The following ASCC1 variants were observed in gnomAD, a reference collection of about 807,000 sequenced individuals.
ASCC1 encodes ASC-1 complex subunit P50.
Under a neutral mutation model 46.6 loss-of-function variants are expected in ASCC1, and 35 were observed. The observed-to-expected ratio is 0.75, with a 90% CI of 0.57 to 0.99. The LOEUF is 0.99. ASCC1 is among the 50% of genes least tolerant of loss of function. The pLI, the probability that ASCC1 is intolerant of heterozygous loss-of-function variation, is 0.00. For synonymous variants in ASCC1, 143 were observed against 146.6 expected (o/e 0.98, Z 0.18); for missense variants, 376 against 428.7 (o/e 0.88, Z 1.09).
intron 8 of ASCC1, among the ~76,000 whole-genome samples, chr10:72,128,729 C>CT (rs1845196115): frequency 6.6e-6 from 1 of 152,156 alleles, no homozygotes; most frequent in African/African-American, 2.4e-5. Flanking sequence ...TGACCTTAGC[C>CT]TAAACCAAGC....
At chr10:72,151,754 T>C (rs963585814) in intron 7 of ASCC1, among the ~76,000 whole-genome samples, 2 of 151,932 alleles carry the variant, frequency 1.3e-5, no homozygotes, top group African/African-American at 4.8e-5. Flanking sequence ...AGTGGCACCA[T>C]CTCGGCTCAC....
At chr10:72,176,822 G>A (rs950005115) in intron 5 of ASCC1, among the ~76,000 whole-genome samples, 2 of 151,984 alleles carry the variant, frequency 1.3e-5, no homozygotes, top group Admixed American at 1.3e-4. Context: ...TACCTCACAA[G>A]TGACATTTCC....
chr10:72,124,850 C>T (rs1844663200), intron 9 of ASCC1, among the ~76,000 whole-genome samples: 2 of 151,388 alleles, frequency 1.3e-5, no homozygotes, highest in African/African-American at 4.9e-5. Flanking sequence ...CTATCTGGCA[C>T]TTTTCCATAA....
chr10:72,096,469 A>G lies in ASCC1; in HGVS notation c.*865T>C, dbSNP rs1217719139. 2.2e-6 allele frequency: 1 copy of G among 454,200 alleles called. No homozygotes were observed. The highest frequency in any genetic ancestry group is 2.3e-5 in the Admixed American group (1 of 42,584). 28.1% of individuals were successfully genotyped at this position (454,200 alleles called of 1,614,324 possible). Reference sequence around the variant, plus strand: ...GGATGGGGTGAAGGAACAGGAATCCAACAAATATTAAGAGGACAAACTTTG... The same window carrying G: ...GGATGGGGTGAAGGAACAGGAATCCGACAAATATTAAGAGGACAAACTTTG... On this transcript the variant is annotated 3_prime_UTR_variant, in exon 10 of 10. Transcript: ENST00000672957.
chr10:72,134,567 C>T (rs1361910455), intron 7 of ASCC1: 1 of 152,408 alleles, frequency 6.6e-6, no homozygotes, highest in Non-Finnish European at 1.5e-5. Context: ...TTCATTGCTG[C>T]CCTTCCCTTT....
At chr10:72,148,983 T>C (rs1358514542) in intron 7 of ASCC1, among the ~76,000 whole-genome samples, 1 of 152,216 alleles carries the variant, frequency 6.6e-6, no homozygotes, top group East Asian at 1.9e-4. Context: ...GATTTTCTCA[T>C]ATACTTCAAT....
At chr10:72,136,073 A>T (rs1049861407) in intron 7 of ASCC1, among the ~76,000 whole-genome samples, 4 of 152,168 alleles carry the variant, frequency 2.6e-5, no homozygotes, top group East Asian at 3.8e-4. Context: ...CCCAGGCTAG[A>T]GTGCAGTAGC....
intron 5 of ASCC1, among the ~76,000 whole-genome samples, chr10:72,186,910 A>G (rs1397730405): frequency 6.6e-6 from 1 of 152,016 alleles, no homozygotes; most frequent in Non-Finnish European, 1.5e-5. Context: ...AGCCAAAAAA[A>G]AAAAAAAGGA....
At position 72,206,519 on chromosome 10, in the gene ASCC1, C is replaced by T. The variant is rs139667969; in HGVS notation, c.213-2995G>A. On this transcript the variant is annotated intron_variant, in intron 3 of 9. Coordinates refer to ENST00000672957, the MANE Select transcript of ASCC1 (RefSeq NM_001198800.3). ...TATGAAAGAGCTTCCCAATAAGTGGCACAGAGCTCCATACAGTCCATGCTG... is the reference window on the plus strand; with the variant it reads ...TATGAAAGAGCTTCCCAATAAGTGGTACAGAGCTCCATACAGTCCATGCTG... Among the ~76,000 whole-genome samples, 178 of 152,316 alleles carry T rather than the reference C, an allele frequency of 1.2e-3. 1 individual carries two copies. Among genetic ancestry groups the T allele is most frequent in the African/African-American group, 4.1e-3 (170 of 41,572 alleles).
chr10:72,160,158 C>T (rs768485823), intron 6 of ASCC1, among the ~76,000 whole-genome samples: 3 of 152,098 alleles, frequency 2.0e-5, no homozygotes, highest in Non-Finnish European at 4.4e-5. Context: ...CCCGCCTCGG[C>T]CTCCCAAAGT....
intron 7 of ASCC1, among the ~76,000 whole-genome samples, chr10:72,151,396 G>A (rs1477424725): frequency 2.6e-5 from 4 of 151,508 alleles, no homozygotes; most frequent in East Asian, 2.0e-4. Context: ...ATTGAACAAT[G>A]AGAACACTTG....
chr10:72,133,746 C>T, intron 7 of ASCC1: 1 of 172,366 alleles, frequency 5.8e-6, no homozygotes, highest in Non-Finnish European at 1.3e-5. Context: ...TTTTTGAAAG[C>T]TGACTCAATA....
At position 72,190,726 on chromosome 10, in the gene ASCC1, G is replaced by A. The variant is rs145743939; in HGVS notation, c.489+6085C>T. On this transcript the variant is annotated intron_variant, in intron 5 of 9. Transcript: ENST00000672957. ...GACAGTTAAAGTGAAGGCCGGGCAC[G>A]GTGGCTCACGCCTGTAATCCCAGCA... is the stretch of plus-strand genomic sequence containing the variant. 2.2e-3 allele frequency: 1,276 copies of A among 576,598 alleles called. 2 individuals carry two copies. The highest frequency in any genetic ancestry group is 3.5e-3 in the African/African-American group (187 of 53,440). The allele number at this position is 576,598 out of a possible 1,614,324, so 35.7% of individuals were successfully genotyped here.
At chr10:72,189,986 T>A in intron 5 of ASCC1, 1 of 756,488 alleles carries the variant, frequency 1.3e-6, no homozygotes, top group South Asian at 1.3e-5. Flanking sequence ...AAAGAAACAG[T>A]CTGATGTCAT....
chr10:72,165,412 G>C (rs542303339), intron 5 of ASCC1, among the ~76,000 whole-genome samples: 1 of 152,160 alleles, frequency 6.6e-6, no homozygotes, highest in Non-Finnish European at 1.5e-5. Context: ...CACCGCGCCC[G>C]GCCAAGTTGA....
rs112899103 is a variant in ASCC1 at position 72,155,670 on chromosome 10, T to C, written c.627-2682A>G. ...TTTTGTGTATCTGTAATTACTGGTT[T>C]TCCTAAAATTAACACGTATTACCTT... is the stretch of plus-strand genomic sequence containing the variant. On this transcript the variant is annotated intron_variant, in intron 6 of 9. Coordinates refer to ENST00000672957, the MANE Select transcript of ASCC1 (RefSeq NM_001198800.3). Among the ~76,000 whole-genome samples the C allele has an allele frequency of 9.1e-4, 138 of 152,354 alleles. 2 individuals carry two copies. Among genetic ancestry groups the C allele is most frequent in the African/African-American group, 3.2e-3 (134 of 41,594 alleles).
At chr10:72,136,215 G>GGGAC (rs1564628688) in intron 7 of ASCC1, among the ~76,000 whole-genome samples, 1 of 151,998 alleles carries the variant, frequency 6.6e-6, no homozygotes, top group Non-Finnish European at 1.5e-5. Flanking sequence ...GGTTGAATGG[G>GGGAC]GGACTTGGAG....
intron 5 of ASCC1, among the ~76,000 whole-genome samples, chr10:72,196,164 T>C (rs1352545531): frequency 6.6e-6 from 1 of 152,110 alleles, no homozygotes; most frequent in African/African-American, 2.4e-5. Flanking sequence ...TAATCCCAAA[T>C]GAGCCATGAC....
chr10:72,146,471 T>A (rs1847640583), intron 7 of ASCC1, among the ~76,000 whole-genome samples: 1 of 152,236 alleles, frequency 6.6e-6, no homozygotes, highest in African/African-American at 2.4e-5. Context: ...ATAGGTGAAC[T>A]GTGATAGGAA....
Sources: allele counts gnomAD v4.1 joint callset (sites outside exome capture counted in the v4.1 genomes callset), GRCh38; gene constraint gnomAD v4.1.1; transcripts MANE v1.5; gene names NCBI Gene and HGNC (gene_info 2026-07-23, HGNC 2026-07-21).